Variants in TDRKH observed in about 807,000 individuals in gnomAD.
The protein encoded by TDRKH is tudor and KH domain-containing protein.
In TDRKH, 28 loss-of-function variants were observed where a neutral mutation model predicts 61.3. That is an observed-to-expected ratio of 0.46 (90% confidence interval 0.34 to 0.63). The LOEUF is 0.63. Among genes scored for constraint, TDRKH ranks in the 20% least tolerant of loss-of-function variants. The probability of loss-of-function intolerance (pLI) is 0.01; values close to 1 mark genes in which losing one functional copy is unlikely to be tolerated. For synonymous variants in TDRKH, 219 were observed against 244.4 expected (o/e 0.90, Z 0.97); for missense variants, 540 against 683.4 (o/e 0.79, Z 2.34).
chr1:151,767,832 C>T (rs1042628538), downstream of TDRKH: 4 of 564,812 alleles, frequency 7.1e-6, no homozygotes, highest in Non-Finnish European at 9.2e-6. Flanking sequence ...TTGAAGTCAA[C>T]AGGCAGTAAT....
In TDRKH at chr1:151,778,940, T is replaced by A; in HGVS notation, c.628A>T (p.Thr210Ser). 1 of 1,614,214 alleles carries A rather than the reference T, an allele frequency of 6.2e-7. No individual in the cohort carries two copies. Among genetic ancestry groups the A allele is most frequent in the Non-Finnish European group, 8.5e-7 (1 of 1,180,034 alleles). The change falls in exon 6 of 13, where the codon ACC (threonine) becomes TCC (serine). Residue 210 changes from threonine (T) to serine (S), a missense_variant. Thr to Ser is a moderately conservative substitution (Grantham distance 58). Coordinates refer to ENST00000368824, the MANE Select transcript of TDRKH (RefSeq NM_001083965.2). Reference sequence around the variant, plus strand: ...ATTGGCTGTTTGCGTGGGACCCTGGTTTCTGCAGAATGAGCAATTCTCTTC... The same window carrying A: ...ATTGGCTGTTTGCGTGGGACCCTGGATTCTGCAGAATGAGCAATTCTCTTC... The part of the protein sequence containing the change: ...LRKRIAHSAE[T>S]RVPRKQPISV...
chr1:151,779,804 A>G, intron 4 of TDRKH, 147 bp downstream of exon 4: 1 of 767,864 alleles, frequency 1.3e-6, no homozygotes, highest in Non-Finnish European at 2.0e-6. Context: ...CACCAGTTCT[A>G]CAAACAGTAA....
chr1:151,770,100 G>GGGAGAC (rs943243355), downstream of TDRKH: 78 of 453,756 alleles, frequency 1.7e-4, no homozygotes, highest in Non-Finnish European at 2.2e-4. Flanking sequence ...GGAGACCATG[G>GGGAGAC]GGAGACGGAG....
At chr1:151,779,300 G>C in intron 4 of TDRKH, 58 bp from the exon 5 acceptor site, 1 of 1,587,518 alleles carries the variant, frequency 6.3e-7, no homozygotes, top group Non-Finnish European at 8.5e-7. Context: ...TTAGCTACTG[G>C]AGAAATCACT....
downstream of TDRKH, among the ~76,000 whole-genome samples, chr1:151,768,719 G>C (rs1480229250): frequency 2.6e-5 from 4 of 152,152 alleles, no homozygotes; most frequent in African/African-American, 9.7e-5. Context: ...CACAGAGGGG[G>C]ATTTGGCAGG....
At chr1:151,789,303 C>T (rs1427153479) in intron 1 of TDRKH, among the ~76,000 whole-genome samples, 5 of 152,218 alleles carry the variant, frequency 3.3e-5, no homozygotes, top group African/African-American at 1.2e-4. Context: ...CTTGATCTGT[C>T]ACTATGGTTT....
intron 6 of TDRKH, among the ~76,000 whole-genome samples, chr1:151,777,018 T>C (rs4484926): frequency 0.41 from 62,094 of 151,858 alleles, 13,702 homozygotes; most frequent in Non-Finnish European, 0.51. Flanking sequence ...TTCTTGGGAA[T>C]CCAGGTCCTC....
chr1:151,781,444 A>G (rs760602802), intron 3 of TDRKH, 37 bp downstream of exon 3: 1 of 1,574,836 alleles, frequency 6.3e-7, no homozygotes, highest in African/African-American at 1.4e-5. Flanking sequence ...AACAGAATCA[A>G]TCCTTGGGAA....
chr1:151,786,864 A>G (rs1403365070), intron 1 of TDRKH, among the ~76,000 whole-genome samples: 1 of 152,188 alleles, frequency 6.6e-6, no homozygotes, highest in African/African-American at 2.4e-5. Flanking sequence ...AGAGACTATC[A>G]ATCTGAGGGA....
At chr1:151,777,705 T>A (rs1182672259) in intron 6 of TDRKH, among the ~76,000 whole-genome samples, 2 of 148,448 alleles carry the variant, frequency 1.3e-5, no homozygotes, top group African/African-American at 2.5e-5. Flanking sequence ...TATTTCTTTT[T>A]AAAAAAATAG....
At chr1:151,769,712 G>A (rs1459948685), downstream of TDRKH, among the ~76,000 whole-genome samples, 1 of 152,192 alleles carries the variant, frequency 6.6e-6, no homozygotes, top group Non-Finnish European at 1.5e-5. Flanking sequence ...ACTTTGGGAG[G>A]CCAAGGCAGG....
intron 6 of TDRKH, among the ~76,000 whole-genome samples, chr1:151,778,205 G>C (rs1417399491): frequency 2.0e-5 from 3 of 152,198 alleles, no homozygotes; most frequent in African/African-American, 7.2e-5. Flanking sequence ...GGCCTACTCA[G>C]AGGGTACCCA....
Position 151,773,653 on chromosome 1 carries a change from T to C in TDRKH, c.*799A>G, listed in dbSNP as rs920689298. The C allele has an allele frequency of 6.6e-6, 1 of 152,240 alleles. No individual in the cohort carries two copies. The highest frequency in any genetic ancestry group is 1.5e-5 in the Non-Finnish European group (1 of 68,048). 9.4% of individuals were successfully genotyped at this position (152,240 alleles called of 1,614,324 possible). ...GAGCCTCCTGTCTCCTTTCTACTTA[T>C]ATTTTAACTAAAGGTTACAGAGAAA... On this transcript the variant is annotated 3_prime_UTR_variant, in exon 13 of 13. Transcript: ENST00000368824.
chr1:151,771,475 C>G (rs892485961), downstream of TDRKH: 1 of 691,546 alleles, frequency 1.4e-6, no homozygotes. Flanking sequence ...TTCCCTTTGC[C>G]TTCCTCCATG....
chr1:151,782,103 A>G, intron 2 of TDRKH: 2 of 418,412 alleles, frequency 4.8e-6, no homozygotes, highest in East Asian at 7.0e-5. Flanking sequence ...TGCTGAAGAA[A>G]GCACATCAAT....
At chr1:151,781,331 ATAT>A in intron 3 of TDRKH, 147 bp downstream of exon 3, 7 of 118,268 alleles carry the variant, frequency 5.9e-5, no homozygotes, top group Non-Finnish European at 6.6e-5. Context: ...AAAAAAAAAT[ATAT>A]ATATATATAT....
rs1199900508 is a variant in TDRKH, at chr1:151,782,927, G to T, written c.96C>A (p.Ile32=). The T allele has an allele frequency of 1.2e-6, 2 of 1,613,250 alleles. No homozygotes were observed. Among genetic ancestry groups the T allele is most frequent in the African/African-American group, 2.7e-5 (2 of 74,838 alleles). Residue 32 remains isoleucine (I), a synonymous_variant, in exon 2 of 13, where the codon ATC becomes ATA. Transcript: ENST00000368824. The part of the protein sequence containing the change: ...GIPASATVAY[I]LYRRYRESRE... ...TGCTTTCCCTATACCTGCGGTATAGGATATAGGCAACTGTTGCACTGGCTG... is the reference window on the plus strand; with the variant it reads ...TGCTTTCCCTATACCTGCGGTATAGTATATAGGCAACTGTTGCACTGGCTG...
chr1:151,788,804 A>C (rs1650599731), intron 1 of TDRKH, among the ~76,000 whole-genome samples: 1 of 152,184 alleles, frequency 6.6e-6, no homozygotes, highest in Admixed American at 6.5e-5. Flanking sequence ...GATCAAGTGC[A>C]GAGGGGTCTC....
intron 12 of TDRKH, 53 bp downstream of exon 12, chr1:151,774,657 A>C: frequency 6.2e-7 from 1 of 1,604,420 alleles, no homozygotes; most frequent in East Asian, 2.2e-5. Flanking sequence ...GGAAAGACTG[A>C]ATGAGAAAAG....
Sources: gnomAD v4.1 joint callset for allele counts (sites outside exome capture counted in the v4.1 genomes callset) on GRCh38, gnomAD v4.1.1 for gene constraint, MANE v1.5 for transcripts, NCBI Gene and HGNC (gene_info 2026-07-23, HGNC 2026-07-21) for gene names.